Variants in RPH3AL observed in about 807,000 individuals in gnomAD.
RPH3AL encodes the protein rab effector Noc2.
RPH3AL carries 38 observed loss-of-function variants against 43.1 expected under a neutral mutation model. The ratio of observed to expected loss-of-function variants is 0.88; its 90% CI spans 0.68 to 1.15. The LOEUF (loss-of-function observed/expected upper bound fraction) is 1.15. Among genes scored for constraint, RPH3AL ranks in the 50% most tolerant of loss-of-function variants. The pLI is 0.00. For missense variants in RPH3AL, 462 were observed against 423.2 expected (o/e 1.09, Z -0.81); for synonymous variants, 189 against 176.3 (o/e 1.07, Z -0.57).
At chr17:233,862 G>A (rs1289289542) in intron 7 of RPH3AL, among the ~76,000 whole-genome samples, 4 of 109,558 alleles carry the variant, frequency 3.7e-5, no homozygotes, top group African/African-American at 1.4e-4. Context: ...TCCCTGAGCA[G>A]GGAGCGGCTA....
chr17:315,181 C>G (rs1598091712), intron 5 of RPH3AL, among the ~76,000 whole-genome samples: 3 of 47,740 alleles, frequency 6.3e-5, no homozygotes, highest in Non-Finnish European at 8.3e-5. Flanking sequence ...CTCCATTCAC[C>G]TGTAGTCCCT....
intron 5 of RPH3AL, among the ~76,000 whole-genome samples, chr17:293,396 T>C (rs2043091651): frequency 1.3e-5 from 2 of 151,530 alleles, no homozygotes; most frequent in South Asian, 4.2e-4. Context: ...ATTTCTGCAC[T>C]CGTGCCTCTG....
intron 6 of RPH3AL, among the ~76,000 whole-genome samples, chr17:269,332 A>G (rs1263442038): frequency 6.6e-6 from 1 of 152,022 alleles, no homozygotes; most frequent in Non-Finnish European, 1.5e-5. Flanking sequence ...TTCAGCATCT[A>G]GTGTATGATA....
At chr17:282,451 C>T (rs2042804445) in intron 5 of RPH3AL, among the ~76,000 whole-genome samples, 1 of 152,096 alleles carries the variant, frequency 6.6e-6, no homozygotes, top group Non-Finnish European at 1.5e-5. Context: ...GGATTCCGGT[C>T]GGACTCCAGA....
At chr17:226,549 C>T (rs2041111369) in intron 7 of RPH3AL, among the ~76,000 whole-genome samples, 1 of 152,226 alleles carries the variant, frequency 6.6e-6, no homozygotes, top group African/African-American at 2.4e-5. Flanking sequence ...GCAGTGCCCG[C>T]ACCAGCCTTG....
At chr17:240,250 AAAG>A (rs1359976854) in intron 7 of RPH3AL, among the ~76,000 whole-genome samples, 3 of 152,030 alleles carry the variant, frequency 2.0e-5, no homozygotes, top group African/African-American at 4.8e-5. Context: ...AAAAAAAAAA[AAAG>A]GTTTTTTTGT....
rs150536354 is a variant in RPH3AL at position 267,548 on chromosome 17, G to C, written c.438+14220C>G. 7.7e-4 allele frequency among the ~76,000 whole-genome samples: 117 copies of C among 152,364 alleles called. 1 individual carries two copies. The East Asian group carries it at 0.021, about 27-fold the overall frequency. On this transcript the variant is annotated intron_variant, in intron 6 of 9. Coordinates refer to ENST00000331302, the MANE Select transcript of RPH3AL (RefSeq NM_006987.4). ...GAAATATGTTCTCCCAAGCCAAAGT[G>C]AAACCCTGTCTGGGCTGACCCCAAT...
At chr17:258,754 CCCG>C (rs2042127274) in intron 6 of RPH3AL, among the ~76,000 whole-genome samples, 3 of 139,342 alleles carry the variant, frequency 2.2e-5, no homozygotes, top group African/African-American at 5.4e-5. Flanking sequence ...GGATAGTCAA[CCCG>C]TTTTTTTTTT....
intron 2 of RPH3AL, chr17:331,828 G>A (rs9891301): frequency 0.016 from 20,999 of 1,289,102 alleles, 1,273 homozygotes; most frequent in African/African-American, 0.15. Flanking sequence ...AGAGAGCAGT[G>A]CCCTGTGCAT....
At chr17:265,618 T>C (rs2042302381) in intron 6 of RPH3AL, among the ~76,000 whole-genome samples, 1 of 152,244 alleles carries the variant, frequency 6.6e-6, no homozygotes, top group Non-Finnish European at 1.5e-5. Context: ...GTTGTCCTTT[T>C]CCTTTCAGTA....
Position 215,852 on chromosome 17 carries a change from G to T in RPH3AL, c.728-50C>A. The T allele has an allele frequency of 7.7e-7, 1 of 1,291,958 alleles. No homozygotes were observed. Among genetic ancestry groups the T allele is most frequent in the Non-Finnish European group, 9.9e-7 (1 of 1,013,402 alleles). The allele number at this position is 1,291,958 out of a possible 1,614,324, so 80.0% of individuals were successfully genotyped here. A position where few individuals can be genotyped will look rare whatever the true frequency, so the allele number is the denominator to read the frequency against. On this transcript the variant is annotated intron_variant, in intron 8 of 9. Transcript: ENST00000331302. The surrounding 1 kb of genome is among the most constrained non-coding windows in gnomAD (Gnocchi z 4.1). ...CGTGGATCTCAAACCGAGACGGGGT[G>T]ATCTCAGTCCAGTTCCTCGTTTGGA...
chr17:304,701 TG>T (rs2043420528), intron 5 of RPH3AL, among the ~76,000 whole-genome samples: 1 of 152,098 alleles, frequency 6.6e-6, no homozygotes, highest in Non-Finnish European at 1.5e-5. Context: ...CTGCAAACCT[TG>T]AGGGACGCCG....
intron 6 of RPH3AL, among the ~76,000 whole-genome samples, chr17:251,307 G>A (rs894444893): frequency 6.6e-6 from 1 of 152,168 alleles, no homozygotes; most frequent in Non-Finnish European, 1.5e-5. Context: ...AATGGGTAAT[G>A]CAGGCACATG....
intron 6 of RPH3AL, among the ~76,000 whole-genome samples, chr17:265,034 C>G (rs1346199155): frequency 6.6e-6 from 1 of 152,240 alleles, no homozygotes; most frequent in East Asian, 1.9e-4. Context: ...CAAAAAGTAG[C>G]TGGAAATAAA....
chr17:304,855 T>C (rs1256016179), intron 5 of RPH3AL, among the ~76,000 whole-genome samples: 2 of 145,204 alleles, frequency 1.4e-5, no homozygotes, highest in South Asian at 2.4e-4. Flanking sequence ...CTGTACCAAG[T>C]GGTACAGAAA....
At chr17:317,100 C>G (rs1567515376) in intron 5 of RPH3AL, among the ~76,000 whole-genome samples, 1 of 150,386 alleles carries the variant, frequency 6.6e-6, no homozygotes, top group Non-Finnish European at 1.5e-5. Context: ...CTCCAGTGAC[C>G]TGTAGTCCCT....
intron 6 of RPH3AL, among the ~76,000 whole-genome samples, chr17:267,261 C>G (rs1478733280): frequency 6.6e-6 from 1 of 152,240 alleles, no homozygotes; most frequent in East Asian, 1.9e-4. Flanking sequence ...TCAACTGGCA[C>G]GCGGCATGAA....
chr17:263,730 C>T (rs187307636), intron 6 of RPH3AL, among the ~76,000 whole-genome samples: 37 of 152,278 alleles, frequency 2.4e-4, no homozygotes, highest in African/African-American at 8.9e-4. Flanking sequence ...GAAAGGAATG[C>T]AGTAAGTAAA....
At chr17:335,047 G>C (rs775080634) in intron 1 of RPH3AL, among the ~76,000 whole-genome samples, 1 of 152,212 alleles carries the variant, frequency 6.6e-6, no homozygotes, top group African/African-American at 2.4e-5. Context: ...TGGCACGAAC[G>C]AGCGCGCTTT....
Sources: gnomAD v4.1 joint callset for allele counts (sites outside exome capture counted in the v4.1 genomes callset) on GRCh38, gnomAD v4.1.1 for gene constraint, Gnocchi (gnomAD v3.1) non-coding constraint, MANE v1.5 for transcripts, NCBI Gene and HGNC (gene_info 2026-07-23, HGNC 2026-07-21) for gene names.